Variants in NYAP2 observed in about 807,000 individuals in gnomAD.
The protein encoded by NYAP2 is neuronal tyrosine-phosphorylated phosphoinositide-3-kinase adaptor 2.
NYAP2 carries 23 observed loss-of-function variants against 50.4 expected under a neutral mutation model. The observed-to-expected ratio is 0.46, with a 90% CI of 0.33 to 0.65. The LOEUF is 0.65. Ranked by LOEUF, NYAP2 falls within the 30% of genes least tolerant of loss-of-function variation. The pLI is 0.02. For missense variants in NYAP2, 885 were observed against 861.0 expected (o/e 1.03, Z -0.35); for synonymous variants, 394 against 365.2 (o/e 1.08, Z -0.90).
chr2:225,419,805 T>C (rs1695187187), intron 3 of NYAP2, among the ~76,000 whole-genome samples: 1 of 152,192 alleles, frequency 6.6e-6, no homozygotes, highest in South Asian at 2.1e-4. Flanking sequence ...GCACCATGTC[T>C]ACAAAGATTC....
At chr2:225,484,484 A>G (rs2163413) in intron 3 of NYAP2, among the ~76,000 whole-genome samples, 24,481 of 152,212 alleles carry the variant, frequency 0.16, 2,525 homozygotes, top group East Asian at 0.39. Context: ...AGTGTGAATT[A>G]GGCAAGGAAG....
intron 5 of NYAP2, among the ~76,000 whole-genome samples, chr2:225,586,380 G>A (rs1180693239): frequency 6.6e-6 from 1 of 152,032 alleles, no homozygotes; most frequent in Non-Finnish European, 1.5e-5. Flanking sequence ...TTTTTTCCTG[G>A]TTGATGGGAC....
chr2:225,513,745 C>A, intron 4 of NYAP2, 73 bp downstream of exon 4: 1 of 1,226,124 alleles, frequency 8.2e-7, no homozygotes, highest in Non-Finnish European at 1.1e-6. Context: ...TGCCCAGGGG[C>A]AAGTGCCTTC....
intron 4 of NYAP2, among the ~76,000 whole-genome samples, chr2:225,557,580 A>C (rs1691802185): frequency 1.3e-5 from 2 of 152,182 alleles, no homozygotes; most frequent in Non-Finnish European, 2.9e-5. Context: ...AAATACAACT[A>C]TATAGAGGAA....
At chr2:225,437,535 A>G (rs975217131) in intron 3 of NYAP2, among the ~76,000 whole-genome samples, 1 of 152,042 alleles carries the variant, frequency 6.6e-6, no homozygotes, top group Non-Finnish European at 1.5e-5. Flanking sequence ...TCATGTTTTC[A>G]CTTCCTGCCA....
chr2:225,530,999 C>T (rs1691245313), intron 4 of NYAP2, among the ~76,000 whole-genome samples: 2 of 152,210 alleles, frequency 1.3e-5, no homozygotes, highest in African/African-American at 4.8e-5. Context: ...GTCATCTTTC[C>T]TGCAGGTTCA....
chr2:225,562,683 G>A (rs112346839), intron 4 of NYAP2, among the ~76,000 whole-genome samples: 1 of 152,116 alleles, frequency 6.6e-6, no homozygotes, highest in African/African-American at 2.4e-5. Flanking sequence ...ATTACCTCAT[G>A]CACTTGTTCT....
At chr2:225,647,985 T>TATAC (rs1693663545) in intron 6 of NYAP2, among the ~76,000 whole-genome samples, 2 of 152,152 alleles carry the variant, frequency 1.3e-5, no homozygotes, top group African/African-American at 4.8e-5. Flanking sequence ...TGTGTGTGCA[T>TATAC]ATGTATGTAT....
chr2:225,655,746 A>C (rs1368258699), downstream of NYAP2, among the ~76,000 whole-genome samples: 1 of 152,146 alleles, frequency 6.6e-6, no homozygotes, highest in Admixed American at 6.5e-5. Context: ...AGGCCATATC[A>C]AACCATGCTT....
At chr2:225,399,780 A>G (rs1174502540) in exon 1 of NYAP2, 1 of 152,054 alleles carries the variant, frequency 6.6e-6, no homozygotes, top group African/African-American at 2.4e-5. Context: ...AGGGTATCAA[A>G]CTGAGATCTA....
chr2:225,631,210 C>A (rs1693308192), intron 6 of NYAP2, among the ~76,000 whole-genome samples: 1 of 152,202 alleles, frequency 6.6e-6, no homozygotes, highest in Non-Finnish European at 1.5e-5. Flanking sequence ...CGTACAGTGT[C>A]TTTACACTTT....
chr2:225,693,268 C>T, the NYAP2 span, among the ~76,000 whole-genome samples: 38,567 of 151,878 alleles, frequency 0.25, 5,088 homozygotes, highest in African/African-American at 0.34. Flanking sequence ...ACCTTTGGAG[C>T]TTTGAGGAGT....
At chr2:225,488,137 A>G (rs1281257912) in intron 3 of NYAP2, among the ~76,000 whole-genome samples, 1 of 152,204 alleles carries the variant, frequency 6.6e-6, no homozygotes, top group East Asian at 1.9e-4. Flanking sequence ...TAATCCTGCT[A>G]CTGCTTAGAA....
chr2:225,585,621 C>G (rs931690042), intron 5 of NYAP2, among the ~76,000 whole-genome samples: 1 of 152,164 alleles, frequency 6.6e-6, no homozygotes, highest in African/African-American at 2.4e-5. Flanking sequence ...AAAGGGCATG[C>G]CTCTGAGTTA....
intron 3 of NYAP2, among the ~76,000 whole-genome samples, chr2:225,419,631 A>G (rs1431967712): frequency 6.6e-6 from 1 of 152,238 alleles, no homozygotes; most frequent in African/African-American, 2.4e-5. Flanking sequence ...GAAAGAAAAG[A>G]TACAACACAT....
At chr2:225,524,530 C>T (rs916573076) in intron 4 of NYAP2, among the ~76,000 whole-genome samples, 11 of 152,116 alleles carry the variant, frequency 7.2e-5, no homozygotes, top group African/African-American at 2.2e-4. Flanking sequence ...TCAGCCCAAT[C>T]GAATTGACAC....
intron 2 of NYAP2, among the ~76,000 whole-genome samples, chr2:225,407,463 T>C (rs908069693): frequency 5.9e-5 from 9 of 151,832 alleles, no homozygotes; most frequent in African/African-American, 2.2e-4. Flanking sequence ...GAGAGAAAAA[T>C]CCTTAAATTC....
At chr2:225,482,565 C>T (rs138947763) in intron 3 of NYAP2, among the ~76,000 whole-genome samples, 2 of 152,166 alleles carry the variant, frequency 1.3e-5, no homozygotes, top group East Asian at 1.9e-4. Flanking sequence ...TGGGGTTTCC[C>T]GAAGGCTTCT....
chr2:225,602,871 A>G (rs1255946873), intron 5 of NYAP2, among the ~76,000 whole-genome samples: 37 of 152,100 alleles, frequency 2.4e-4, no homozygotes, highest in Non-Finnish European at 1.5e-5. Context: ...AAGTTTTGAA[A>G]TCGGGCCATG....
Sources: gnomAD v4.1 joint callset for allele counts (sites outside exome capture counted in the v4.1 genomes callset) on GRCh38, gnomAD v4.1.1 for gene constraint, MANE v1.5 for transcripts, NCBI Gene and HGNC (gene_info 2026-07-23, HGNC 2026-07-21) for gene names.